The following NCAM2 variants were observed in gnomAD, a reference collection of about 807,000 sequenced individuals.
NCAM2 encodes the protein N-CAM-2.
A neutral mutation model predicts 98.1 loss-of-function variants in NCAM2; 30 were observed. The ratio of observed to expected loss-of-function variants is 0.31; its 90% confidence interval spans 0.23 to 0.41. NCAM2 has a LOEUF of 0.41. Among genes scored for constraint, NCAM2 ranks in the 10% least tolerant of loss-of-function variants. NCAM2 has a pLI of 1.00. For synonymous variants in NCAM2, 368 were observed against 342.4 expected (o/e 1.07, Z -0.83); for missense variants, 867 against 1,005.8 (o/e 0.86, Z 1.87).
At chr21:21,095,822 A>G (rs185000514) in intron 1 of NCAM2, among the ~76,000 whole-genome samples, 3 of 151,792 alleles carry the variant, frequency 2.0e-5, no homozygotes. Flanking sequence ...AGTGTCTTTC[A>G]GTGAGCTGTG....
At chr21:21,508,808 CTTTT>C (rs764097299) in intron 15 of NCAM2, 39 bp from the exon 16 acceptor site, 208 of 413,126 alleles carry the variant, frequency 5.0e-4, no homozygotes, top group East Asian at 9.6e-4. Context: ...ACTTTTTTTC[CTTTT>C]TTTTTTTTTT....
intron 12 of NCAM2, among the ~76,000 whole-genome samples, chr21:21,454,078 T>C (rs1981750875): frequency 6.6e-6 from 1 of 152,052 alleles, no homozygotes; most frequent in Non-Finnish European, 1.5e-5. Flanking sequence ...TTGTAGAAAT[T>C]TGACCACCTA....
chr21:21,306,374 A>G (rs2073880191), intron 5 of NCAM2, among the ~76,000 whole-genome samples: 1 of 152,078 alleles, frequency 6.6e-6, no homozygotes, highest in Admixed American at 6.6e-5. Flanking sequence ...TATATAGATA[A>G]AAGTTTAGAA....
rs776149877 is a variant in NCAM2, at chr21:21,335,574, G to A, written c.807G>A (p.Arg269=). 4 of 1,611,406 alleles carry A rather than the reference G, an allele frequency of 2.5e-6. No homozygotes were observed. The highest frequency in any genetic ancestry group is 3.4e-6 in the Non-Finnish European group (4 of 1,178,652). The change falls in exon 7 of 18, where the codon AGG becomes AGA. Residue 269 remains arginine, a synonymous_variant. Coordinates refer to ENST00000400546, the MANE Select transcript of NCAM2 (RefSeq NM_004540.5). ...LKGSNTELTV[R]NIINSDGGPY... Reference sequence around the variant, plus strand: ...GGAGCAATACAGAACTCACTGTCAGGAACATAATCAATAGTGATGGTGGTC... The same window carrying A: ...GGAGCAATACAGAACTCACTGTCAGAAACATAATCAATAGTGATGGTGGTC...
At chr21:21,210,475 C>G (rs1601654712) in intron 1 of NCAM2, 1 of 1,209,704 alleles carries the variant, frequency 8.3e-7, no homozygotes, top group Non-Finnish European at 1.1e-6. Context: ...AAGAATTCTT[C>G]ATGAAGTACA....
chr21:21,059,108 C>T (rs2065271488), intron 1 of NCAM2, among the ~76,000 whole-genome samples: 1 of 151,978 alleles, frequency 6.6e-6, no homozygotes, highest in Non-Finnish European at 1.5e-5. Context: ...ATGTTTGACT[C>T]ATTTTGTGAC....
intron 1 of NCAM2, among the ~76,000 whole-genome samples, chr21:21,026,609 G>A (rs966259694): frequency 1.3e-5 from 2 of 148,706 alleles, no homozygotes; most frequent in East Asian, 2.0e-4. Context: ...TGGGCAATAC[G>A]AGTGAAACTC....
At chr21:21,103,852 C>T (rs886872311) in intron 1 of NCAM2, among the ~76,000 whole-genome samples, 5 of 151,918 alleles carry the variant, frequency 3.3e-5, no homozygotes, top group Admixed American at 1.3e-4. Context: ...TATTTATTAT[C>T]GATACATCTT....
intron 1 of NCAM2, among the ~76,000 whole-genome samples, chr21:21,185,152 ACT>A (rs2068598733): frequency 6.6e-6 from 1 of 151,778 alleles, no homozygotes; most frequent in Non-Finnish European, 1.5e-5. Flanking sequence ...CATTTAACAC[ACT>A]CTTACAAAAA....
intron 1 of NCAM2, among the ~76,000 whole-genome samples, chr21:21,010,527 C>A (rs1376750416): frequency 6.6e-6 from 1 of 152,076 alleles, no homozygotes; most frequent in African/African-American, 2.4e-5. Context: ...AAAATAGCCT[C>A]CTTCCTACAC....
At chr21:21,285,829 G>A (rs373097182) in intron 3 of NCAM2, among the ~76,000 whole-genome samples, 3 of 151,818 alleles carry the variant, frequency 2.0e-5, no homozygotes, top group South Asian at 4.1e-4. Flanking sequence ...AATTACCTGG[G>A]GTAGAGAGAT....
At chr21:21,524,751 A>C (rs916851981) in intron 16 of NCAM2, among the ~76,000 whole-genome samples, 2 of 152,206 alleles carry the variant, frequency 1.3e-5, no homozygotes, top group African/African-American at 4.8e-5. Context: ...ACCAAGATAG[A>C]TCACACCCTA....
At chr21:21,280,474 G>A (rs543103758) in intron 1 of NCAM2, 104 bp from the exon 2 acceptor site, 4 of 693,290 alleles carry the variant, frequency 5.8e-6, no homozygotes, top group African/African-American at 3.8e-5. Context: ...AAAAATTGGG[G>A]GGAAATAATC....
intron 1 of NCAM2, among the ~76,000 whole-genome samples, chr21:21,266,121 A>T (rs1471212112): frequency 2.6e-5 from 4 of 152,040 alleles, no homozygotes; most frequent in African/African-American, 7.2e-5. Context: ...CTGATATTTT[A>T]AAAAAATGGT....
intron 1 of NCAM2, among the ~76,000 whole-genome samples, chr21:21,172,395 AT>A (rs1210829560): frequency 6.6e-6 from 1 of 152,094 alleles, no homozygotes; most frequent in African/African-American, 2.4e-5. Flanking sequence ...TCATGAGGAG[AT>A]TTTTTTAAAT....
In NCAM2 at chr21:21,538,265, A is replaced by G. The variant is rs1301287009; in HGVS notation, c.*308A>G. ...ATTTATTATGTGGCTAAAGTGCTCT[A>G]TTTATTAAGAACTATATTTAATACC... On this transcript the variant is annotated 3_prime_UTR_variant, in exon 18 of 18. Transcript: ENST00000400546. The G allele has an allele frequency of 5.7e-6, 1 of 175,464 alleles. No homozygotes were observed. The highest frequency in any genetic ancestry group is 1.2e-5 in the Non-Finnish European group (1 of 83,578). The allele number at this position is 175,464 out of a possible 1,614,324, so 10.9% of individuals were successfully genotyped here.
At chr21:21,127,013 C>CTG (rs1280696019) in intron 1 of NCAM2, among the ~76,000 whole-genome samples, 1 of 151,886 alleles carries the variant, frequency 6.6e-6, no homozygotes, top group Non-Finnish European at 1.5e-5. Context: ...TCAGAAATAA[C>CTG]TGATGCATAT....
chr21:21,144,367 A>G (rs79443724), intron 1 of NCAM2, among the ~76,000 whole-genome samples: 1 of 151,632 alleles, frequency 6.6e-6, no homozygotes, highest in African/African-American at 2.4e-5. Context: ...AAAAAAATCA[A>G]CATTTCAAAT....
intron 1 of NCAM2, among the ~76,000 whole-genome samples, chr21:21,128,880 C>T (rs2146603588): frequency 6.6e-6 from 1 of 152,042 alleles, no homozygotes; most frequent in East Asian, 1.9e-4. Flanking sequence ...CATTAGAAGA[C>T]ATCAGAAAAT....
Sources: gnomAD v4.1 joint callset for allele counts (sites outside exome capture counted in the v4.1 genomes callset) on GRCh38, gnomAD v4.1.1 for gene constraint, MANE v1.5 for transcripts, NCBI Gene and HGNC (gene_info 2026-07-23, HGNC 2026-07-21) for gene names.